Variants in NAALADL2 observed in about 807,000 individuals in gnomAD.
The protein encoded by NAALADL2 is inactive N-acetylated-alpha-linked acidic dipeptidase-like protein 2.
A neutral mutation model predicts 87.2 loss-of-function variants in NAALADL2; 76 were observed. That is an observed-to-expected ratio of 0.87 (90% CI 0.72 to 1.05). NAALADL2 has a LOEUF of 1.05. NAALADL2 is among the 50% of genes least tolerant of loss of function. NAALADL2 has a pLI of 0.00. For missense variants in NAALADL2, 1,089 were observed against 945.8 expected (o/e 1.15, Z -1.99); for synonymous variants, 354 against 331.0 (o/e 1.07, Z -0.75).
chr3:175,557,372 C>G (rs113826494), intron 9 of NAALADL2, among the ~76,000 whole-genome samples: 1,609 of 152,268 alleles, frequency 0.011, 29 homozygotes, highest in African/African-American at 0.037. Flanking sequence ...TCCATTACCT[C>G]AAGCATTTAT....
At chr3:175,108,148 A>G (rs1723547252) in intron 2 of NAALADL2, among the ~76,000 whole-genome samples, 1 of 149,818 alleles carries the variant, frequency 6.7e-6, no homozygotes, top group Admixed American at 6.7e-5. Context: ...TGATGTAGTA[A>G]TGAATTAAAT....
At chr3:175,517,430 A>G (rs879818749) in intron 9 of NAALADL2, among the ~76,000 whole-genome samples, 3 of 152,154 alleles carry the variant, frequency 2.0e-5, no homozygotes, top group Non-Finnish European at 4.4e-5. Context: ...TTTTTCTTAC[A>G]TATTTCTGAT....
At chr3:174,804,329 T>A (rs1027353774) in intron 3 of NAALADL2, among the ~76,000 whole-genome samples, 1 of 152,218 alleles carries the variant, frequency 6.6e-6, no homozygotes, top group Non-Finnish European at 1.5e-5. Flanking sequence ...ATCCTGAGAC[T>A]TTGCTGAAGT....
At chr3:175,568,347 C>T (rs577769482) in intron 9 of NAALADL2, among the ~76,000 whole-genome samples, 1 of 152,066 alleles carries the variant, frequency 6.6e-6, no homozygotes, top group Non-Finnish European at 1.5e-5. Flanking sequence ...ATGGCACACA[C>T]AGTAAATAAG....
intron 2 of NAALADL2, among the ~76,000 whole-genome samples, chr3:174,633,516 T>G (rs1327856441): frequency 6.6e-6 from 1 of 152,206 alleles, no homozygotes; most frequent in Non-Finnish European, 1.5e-5. Context: ...AAGTAGTGTA[T>G]GAGGCAATAA....
intron 1 of NAALADL2, chr3:174,863,779 G>A: frequency 4.6e-6 from 1 of 218,014 alleles, no homozygotes; most frequent in Non-Finnish European, 9.2e-6. Flanking sequence ...ATGCCACAAA[G>A]AGGACTAACC....
chr3:175,293,011 T>C (rs1263523690), intron 4 of NAALADL2, among the ~76,000 whole-genome samples: 8 of 114,150 alleles, frequency 7.0e-5, no homozygotes, highest in African/African-American at 2.4e-4. Flanking sequence ...CACTCCAGCC[T>C]GGGTGACAGA....
chr3:175,175,735 A>ATTTCT (rs1735605836), intron 2 of NAALADL2, among the ~76,000 whole-genome samples: 1 of 152,050 alleles, frequency 6.6e-6, no homozygotes, highest in African/African-American at 2.4e-5. Context: ...CCAATAATAT[A>ATTTCT]TTTCTTTCAT....
chr3:175,417,257 A>C (rs1043263590), intron 5 of NAALADL2, among the ~76,000 whole-genome samples: 3 of 152,036 alleles, frequency 2.0e-5, no homozygotes, highest in African/African-American at 7.2e-5. Flanking sequence ...TTAATTACTC[A>C]GAAGCAGAAG....
chr3:174,766,745 C>T (rs575709756), intron 3 of NAALADL2, among the ~76,000 whole-genome samples: 1 of 152,232 alleles, frequency 6.6e-6, no homozygotes, highest in East Asian at 1.9e-4. Flanking sequence ...TATTGAGTAA[C>T]TACCTTGGAG....
chr3:174,694,138 A>T (rs2108861610), intron 2 of NAALADL2, among the ~76,000 whole-genome samples: 1 of 152,086 alleles, frequency 6.6e-6, no homozygotes, highest in East Asian at 1.9e-4. Context: ...ACAAATGCCA[A>T]CTCTGACTCT....
chr3:175,484,645 A>G (rs980372121), intron 9 of NAALADL2, among the ~76,000 whole-genome samples: 14 of 152,158 alleles, frequency 9.2e-5, no homozygotes, highest in African/African-American at 3.1e-4. Flanking sequence ...CATTTCACAG[A>G]CATTTTGTTT....
At chr3:175,734,481 C>T (rs773823470) in intron 11 of NAALADL2, among the ~76,000 whole-genome samples, 6 of 152,060 alleles carry the variant, frequency 3.9e-5, no homozygotes, top group East Asian at 1.9e-4. Flanking sequence ...GGTGTGAACT[C>T]GGGAGGCGGA....
chr3:174,713,072 C>G (rs577409389), intron 2 of NAALADL2, among the ~76,000 whole-genome samples: 59 of 151,976 alleles, frequency 3.9e-4, no homozygotes, highest in African/African-American at 1.4e-3. Context: ...TTTGTCCTTG[C>G]AATAGTTTGC....
chr3:175,114,103 T>C (rs1724690084), intron 2 of NAALADL2, among the ~76,000 whole-genome samples: 1 of 151,604 alleles, frequency 6.6e-6, no homozygotes, highest in South Asian at 2.1e-4. Context: ...ATCAGAGGAA[T>C]ATAGTACAGT....
rs73047982 is a variant in NAALADL2 at position 174,847,497 on chromosome 3, T to C, written c.-9+109751T>C. 6.6e-3 allele frequency among the ~76,000 whole-genome samples: 1,000 copies of C among 152,282 alleles called. 11 individuals are homozygous for C. Among genetic ancestry groups the C allele is most frequent in the Middle Eastern group, 0.024 (7 of 294 alleles). ...AAAAAATAGGCTAAACTCAGAAAATTTTATGTGCCATTAGTTCCCAACAGT... is the reference window on the plus strand; with the variant it reads ...AAAAAATAGGCTAAACTCAGAAAATCTTATGTGCCATTAGTTCCCAACAGT... On this transcript the variant is annotated intron_variant, in intron 3 of 3. Transcript: ENST00000434257.
At chr3:174,460,071 G>T (rs1483199707) in intron 1 of NAALADL2, among the ~76,000 whole-genome samples, 1 of 152,078 alleles carries the variant, frequency 6.6e-6, no homozygotes, top group Non-Finnish European at 1.5e-5. Flanking sequence ...AGAGGATTAT[G>T]ATAGAGTACA....
chr3:174,707,440 T>C (rs1034844600), intron 2 of NAALADL2, among the ~76,000 whole-genome samples: 24 of 152,090 alleles, frequency 1.6e-4, no homozygotes, highest in Non-Finnish European at 3.1e-4. Flanking sequence ...ATGTGGCACA[T>C]ATACACCATG....
At chr3:175,503,724 C>A (rs1486172369) in intron 9 of NAALADL2, among the ~76,000 whole-genome samples, 1 of 152,114 alleles carries the variant, frequency 6.6e-6, no homozygotes, top group African/African-American at 2.4e-5. Flanking sequence ...ACACGTGTGT[C>A]TTCTTTTGAA....
Sources: gnomAD v4.1 joint callset for allele counts (sites outside exome capture counted in the v4.1 genomes callset) on GRCh38, gnomAD v4.1.1 for gene constraint, MANE v1.5 for transcripts, NCBI Gene and HGNC (gene_info 2026-07-23, HGNC 2026-07-21) for gene names.